Variants in UBTD1 observed in about 807,000 individuals in gnomAD.
UBTD1 encodes the protein ubiquitin domain-containing protein 1.
UBTD1 carries 19 observed loss-of-function variants against 21.7 expected under a neutral mutation model. The ratio of observed to expected loss-of-function variants is 0.87; its 90% CI spans 0.61 to 1.28. The LOEUF is 1.28. UBTD1 is among the 50% of genes most tolerant of loss of function. The pLI, the probability that UBTD1 is intolerant of heterozygous loss-of-function variation, is 0.00. For missense variants in UBTD1, 282 were observed against 315.1 expected (o/e 0.89, Z 0.80); for synonymous variants, 116 against 135.1 (o/e 0.86, Z 0.98).
At chr10:97,556,103 G>A (rs2040662799) in intron 1 of UBTD1, among the ~76,000 whole-genome samples, 1 of 152,108 alleles carries the variant, frequency 6.6e-6, no homozygotes, top group Non-Finnish European at 1.5e-5. Flanking sequence ...TTTATCATTT[G>A]GAGAAATACA....
chr10:97,511,707 CTG>C (rs1484554109), intron 1 of UBTD1, among the ~76,000 whole-genome samples: 1 of 152,084 alleles, frequency 6.6e-6, no homozygotes, highest in African/African-American at 2.4e-5. Context: ...CCAAAATAGA[CTG>C]TCACATGGAT....
chr10:97,515,889 A>T (rs970158363), intron 1 of UBTD1, among the ~76,000 whole-genome samples: 2 of 152,212 alleles, frequency 1.3e-5, no homozygotes, highest in African/African-American at 2.4e-5. Flanking sequence ...TCCTGATACC[A>T]TGCAGATCGG....
At chr10:97,521,505 C>T (rs939103909) in intron 1 of UBTD1, among the ~76,000 whole-genome samples, 1 of 152,216 alleles carries the variant, frequency 6.6e-6, no homozygotes, top group African/African-American at 2.4e-5. Context: ...CTGGGGCACA[C>T]GCTGCAGAGC....
intron 1 of UBTD1, among the ~76,000 whole-genome samples, chr10:97,541,235 G>A (rs749672484): frequency 2.3e-4 from 35 of 152,108 alleles, no homozygotes; most frequent in Non-Finnish European, 5.0e-4. Flanking sequence ...CTAGCAATTC[G>A]GGAGGCTGAG....
chr10:97,515,246 A>T (rs2040439183), intron 1 of UBTD1, among the ~76,000 whole-genome samples: 1 of 152,234 alleles, frequency 6.6e-6, no homozygotes. Flanking sequence ...GATTTAATGC[A>T]TTTCAGGCAA....
Position 97,568,147 on chromosome 10 carries a change from T to G in UBTD1, c.298+6T>G. On this transcript the variant is annotated splice_donor_region_variant and intron_variant, in intron 2 of 2. Transcript: ENST00000370664. Reference sequence around the variant, plus strand: ...CAGCATCACCCTGCCTCATGGTAAGTGGGCAGGGCCAGGGCTTTATCCCCG... The same window carrying G: ...CAGCATCACCCTGCCTCATGGTAAGGGGGCAGGGCCAGGGCTTTATCCCCG... The G allele has an allele frequency of 6.2e-7, 1 of 1,613,362 alleles. No homozygotes were observed. The highest frequency in any genetic ancestry group is 1.3e-5 in the African/African-American group (1 of 75,056).
chr10:97,570,306 C>G lies in UBTD1; in HGVS notation c.467C>G (p.Ser156Cys). 6.2e-7 allele frequency: 1 copy of G among 1,613,232 alleles called. No homozygotes were observed. Among genetic ancestry groups the G allele is most frequent in the Non-Finnish European group, 8.5e-7 (1 of 1,179,972 alleles). Reference sequence around the variant, plus strand: ...GAGTTCCCGCTGAAGGTGCGCCTGTCCACGGGCAAGGACGTGAGGCTCAGC... The same window carrying G: ...GAGTTCCCGCTGAAGGTGCGCCTGTGCACGGGCAAGGACGTGAGGCTCAGC... ...RREFPLKVRL[S>C]TGKDVRLSAS... The change falls in exon 3 of 3, where the codon TCC (serine) becomes TGC (cysteine). Residue 156 changes from serine to cysteine, a missense_variant. Coordinates refer to ENST00000370664, the MANE Select transcript of UBTD1 (RefSeq NM_024954.5). The surrounding 1 kb of genome is among the most constrained non-coding windows in gnomAD (Gnocchi z 6.6).
At chr10:97,503,105 G>A (rs1004517138) in intron 1 of UBTD1, among the ~76,000 whole-genome samples, 1 of 151,934 alleles carries the variant, frequency 6.6e-6, no homozygotes, top group African/African-American at 2.4e-5. Flanking sequence ...TTGTAGAGAT[G>A]GGGTCTTGCT....
intron 1 of UBTD1, among the ~76,000 whole-genome samples, chr10:97,510,487 A>G (rs1192960595): frequency 3.3e-5 from 5 of 152,228 alleles, no homozygotes; most frequent in Non-Finnish European, 5.9e-5. Context: ...AGATAACAGT[A>G]TCTACTCCAT....
chr10:97,527,295 T>TG (rs973032101), intron 1 of UBTD1, among the ~76,000 whole-genome samples: 3 of 151,160 alleles, frequency 2.0e-5, no homozygotes, highest in Non-Finnish European at 4.4e-5. Context: ...GAGACCAGCC[T>TG]GGGCAACCCT....
chr10:97,512,036 C>G (rs58340261), intron 1 of UBTD1, among the ~76,000 whole-genome samples: 3 of 152,200 alleles, frequency 2.0e-5, no homozygotes, highest in Non-Finnish European at 2.9e-5. Flanking sequence ...TCAATATTTA[C>G]TACATCGGCC....
intron 1 of UBTD1, among the ~76,000 whole-genome samples, chr10:97,560,097 A>T (rs2040685313): frequency 6.6e-6 from 1 of 152,140 alleles, no homozygotes; most frequent in African/African-American, 2.4e-5. Flanking sequence ...GCAATTCTTT[A>T]ACATGTTTCA....
In UBTD1 at chr10:97,561,091, G is replaced by A. The variant is rs551853000; in HGVS notation, c.71-6823G>A. Among the ~76,000 whole-genome samples the A allele has an allele frequency of 6.9e-4, 105 of 152,212 alleles. 1 individual carries two copies. The highest frequency in any genetic ancestry group is 2.5e-3 in the African/African-American group (102 of 41,542). ...TTCAGATGTCCGGACTCCAAGTACC[G>A]GTTCCTTCCTGGTGTTCAGCCACTG... On this transcript the variant is annotated intron_variant, in intron 1 of 2. Coordinates refer to ENST00000370664, the MANE Select transcript of UBTD1 (RefSeq NM_024954.5).
chr10:97,503,200 G>A (rs538613705), intron 1 of UBTD1, among the ~76,000 whole-genome samples: 1 of 152,320 alleles, frequency 6.6e-6, no homozygotes, highest in South Asian at 2.1e-4. Flanking sequence ...ACTGGCGTGA[G>A]CCGCCACACC....
At chr10:97,558,293 G>A (rs535867730) in intron 1 of UBTD1, among the ~76,000 whole-genome samples, 20 of 152,138 alleles carry the variant, frequency 1.3e-4, no homozygotes, top group Non-Finnish European at 1.9e-4. Context: ...ATGGTTATGC[G>A]GGGATCTTCA....
intron 1 of UBTD1, among the ~76,000 whole-genome samples, chr10:97,556,124 A>C (rs1319372066): frequency 6.6e-6 from 1 of 152,160 alleles, no homozygotes; most frequent in Non-Finnish European, 1.5e-5. Context: ...GGTATCAGAC[A>C]AGGGAGCAGT....
At chr10:97,552,073 A>G (rs2040640190) in intron 1 of UBTD1, among the ~76,000 whole-genome samples, 1 of 152,064 alleles carries the variant, frequency 6.6e-6, no homozygotes, top group South Asian at 2.1e-4. Flanking sequence ...CACTGTGCTC[A>G]GCCCTCCTGT....
chr10:97,563,033 G>C (rs1157762068), intron 1 of UBTD1, among the ~76,000 whole-genome samples: 2 of 152,052 alleles, frequency 1.3e-5, no homozygotes, highest in Admixed American at 1.3e-4. Flanking sequence ...AGATTTGGGG[G>C]TAAAGGGTAA....
At chr10:97,535,881 G>A (rs1375521715) in intron 1 of UBTD1, among the ~76,000 whole-genome samples, 1 of 151,508 alleles carries the variant, frequency 6.6e-6, no homozygotes, top group East Asian at 1.9e-4. Flanking sequence ...CCGCACTACT[G>A]CACTCTAATC....
Sources: allele counts gnomAD v4.1 joint callset (sites outside exome capture counted in the v4.1 genomes callset), GRCh38; gene constraint gnomAD v4.1.1; non-coding constraint Gnocchi (gnomAD v3.1); transcripts MANE v1.5; gene names NCBI Gene and HGNC (gene_info 2026-07-23, HGNC 2026-07-21).